The following PRELID2 variants were observed in gnomAD, a reference collection of about 807,000 sequenced individuals.
The protein encoded by PRELID2 is PRELI domain containing 2, also known as PRELI domain-containing protein 2.
PRELID2 carries 25 observed loss-of-function variants against 28.4 expected under a neutral mutation model. The ratio of observed to expected loss-of-function variants is 0.88; its 90% confidence interval spans 0.64 to 1.23. The LOEUF (loss-of-function observed/expected upper bound fraction) is 1.23. Ranked by LOEUF, PRELID2 falls within the 50% of genes most tolerant of loss-of-function variation. PRELID2 has a pLI of 0.00. For missense variants in PRELID2, 201 were observed against 214.4 expected (o/e 0.94, Z 0.39); for synonymous variants, 76 against 71.6 (o/e 1.06, Z -0.31).
chr5:145,763,999 C>T (rs960485822), intron 6 of PRELID2, among the ~76,000 whole-genome samples: 2 of 151,994 alleles, frequency 1.3e-5, no homozygotes. Context: ...TGGCTTGAAC[C>T]CGGGAGATGG....
At chr5:145,414,882 A>G in the PRELID2 span, among the ~76,000 whole-genome samples, 1 of 152,190 alleles carries the variant, frequency 6.6e-6, no homozygotes, top group African/African-American at 2.4e-5. Flanking sequence ...TCTGTTTACC[A>G]TTTATATGTC....
At chr5:145,468,379 G>A (rs1421974440), downstream of PRELID2, among the ~76,000 whole-genome samples, 8 of 152,244 alleles carry the variant, frequency 5.3e-5, no homozygotes, top group East Asian at 5.8e-4. Flanking sequence ...ATAAACATAC[G>A]TGTGCATGTG....
At chr5:145,632,060 A>G (rs1304934662) in intron 1 of PRELID2, among the ~76,000 whole-genome samples, 3 of 152,178 alleles carry the variant, frequency 2.0e-5, no homozygotes, top group African/African-American at 7.2e-5. Flanking sequence ...AATAAATAAT[A>G]ACCCCTTAAG....
At chr5:145,703,174 G>A (rs1205775339) in intron 1 of PRELID2, among the ~76,000 whole-genome samples, 1 of 152,194 alleles carries the variant, frequency 6.6e-6, no homozygotes, top group Non-Finnish European at 1.5e-5. Flanking sequence ...AATCTATTCA[G>A]AGCAGAGAGT....
At chr5:145,600,519 A>G (rs897934081) in intron 1 of PRELID2, among the ~76,000 whole-genome samples, 3 of 151,072 alleles carry the variant, frequency 2.0e-5, no homozygotes, top group Admixed American at 6.6e-5. Context: ...AAAACTGAAT[A>G]TGAAACTCAC....
At chr5:145,684,964 A>C (rs1170425643) in intron 1 of PRELID2, among the ~76,000 whole-genome samples, 1 of 152,202 alleles carries the variant, frequency 6.6e-6, no homozygotes, top group African/African-American at 2.4e-5. Context: ...ACAGATATGA[A>C]GAAAGTTGGG....
chr5:145,788,369 T>C (rs921352263), intron 5 of PRELID2, among the ~76,000 whole-genome samples: 1 of 152,216 alleles, frequency 6.6e-6, no homozygotes, highest in Non-Finnish European at 1.5e-5. Context: ...TACTATCTTC[T>C]ATTGGCCACC....
chr5:145,737,947 G>T (rs1756545410), intron 1 of PRELID2, among the ~76,000 whole-genome samples: 1 of 152,130 alleles, frequency 6.6e-6, no homozygotes, highest in Admixed American at 6.6e-5. Flanking sequence ...GCCGCACTGA[G>T]GTAGTTCTGG....
intron 1 of PRELID2, among the ~76,000 whole-genome samples, chr5:145,548,026 C>T (rs773372997): frequency 6.6e-6 from 1 of 152,184 alleles, no homozygotes. Flanking sequence ...TGTATAATGA[C>T]TCCCTTGCAG....
At chr5:145,657,542 G>T (rs150153240) in intron 1 of PRELID2, among the ~76,000 whole-genome samples, 1 of 152,064 alleles carries the variant, frequency 6.6e-6, no homozygotes, top group Non-Finnish European at 1.5e-5. Context: ...AAAATTAGCC[G>T]GGCGTGGTGG....
intron 1 of PRELID2, among the ~76,000 whole-genome samples, chr5:145,628,567 A>C (rs1184786920): frequency 6.6e-6 from 1 of 152,108 alleles, no homozygotes; most frequent in Non-Finnish European, 1.5e-5. Context: ...CAGGCGATCC[A>C]CCCATCTCAG....
the PRELID2 span, among the ~76,000 whole-genome samples, chr5:145,261,463 T>C: frequency 6.6e-6 from 1 of 152,154 alleles, no homozygotes; most frequent in African/African-American, 2.4e-5. Context: ...CAAGTGCTGG[T>C]ATCCATGGCT....
At chr5:145,820,116 GTTTT>G (rs778856565) in intron 2 of PRELID2, 98 bp from the exon 3 acceptor site, 27 of 540,792 alleles carry the variant, frequency 5.0e-5, no homozygotes, top group Admixed American at 1.7e-4. Flanking sequence ...TTTGTTTTTT[GTTTT>G]TTGTTTTTTT....
chr5:145,665,692 C>T (rs1239424062), intron 1 of PRELID2, among the ~76,000 whole-genome samples: 1 of 152,084 alleles, frequency 6.6e-6, no homozygotes, highest in East Asian at 1.9e-4. Context: ...AACACTATGT[C>T]CTGGTCACCC....
rs115855627 is a variant in PRELID2, at chr5:145,670,039, G to C, written n.70+94892C>G. ...ATTGATTAATCATATGTGCTCATTA[G>C]TCTATAAGCCCACTGTCTTAGTCCA... On this transcript the variant is annotated intron_variant and non_coding_transcript_variant, in intron 1 of 2. Transcript: ENST00000510259. Among the ~76,000 whole-genome samples the C allele has an allele frequency of 5.8e-3, 882 of 152,180 alleles. 12 individuals carry two copies. The highest frequency in any genetic ancestry group is 0.02 in the African/African-American group (816 of 41,510).
At chr5:145,392,730 AAAGGAAGG>A in the PRELID2 span, among the ~76,000 whole-genome samples, 12 of 151,934 alleles carry the variant, frequency 7.9e-5, no homozygotes, top group South Asian at 2.1e-3. Flanking sequence ...AAGAAGGAAG[AAAGGAAGG>A]AAGGAAGGAA....
chr5:145,271,797 A>G, the PRELID2 span, among the ~76,000 whole-genome samples: 1 of 152,130 alleles, frequency 6.6e-6, no homozygotes, highest in Admixed American at 6.5e-5. Flanking sequence ...CATCCAATTC[A>G]TCCGCAAGAC....
intron 5 of PRELID2, among the ~76,000 whole-genome samples, chr5:145,769,813 C>T (rs1177696673): frequency 2.0e-5 from 3 of 152,138 alleles, no homozygotes; most frequent in African/African-American, 7.2e-5. Context: ...GACAAGAAGC[C>T]TGCACTCAAT....
chr5:145,283,559 C>T, the PRELID2 span, among the ~76,000 whole-genome samples: 2 of 152,102 alleles, frequency 1.3e-5, no homozygotes, highest in Non-Finnish European at 2.9e-5. Flanking sequence ...AGCTGAACAT[C>T]AGATATAAAT....
Sources: allele counts gnomAD v4.1 joint callset (sites outside exome capture counted in the v4.1 genomes callset), GRCh38; gene constraint gnomAD v4.1.1; transcripts MANE v1.5; gene names NCBI Gene and HGNC (gene_info 2026-07-23, HGNC 2026-07-21).